CNTNAP2: variants seen among roughly 807,000 people sequenced by gnomAD.
CNTNAP2 encodes the protein contactin-associated protein-like 2.
A neutral mutation model predicts 155.2 loss-of-function variants in CNTNAP2; 98 were observed. The ratio of observed to expected loss-of-function variants is 0.63; its 90% CI spans 0.54 to 0.75. CNTNAP2 has a LOEUF of 0.75. Among genes scored for constraint, CNTNAP2 ranks in the 30% least tolerant of loss-of-function variants. CNTNAP2 has a pLI of 0.00. For missense variants in CNTNAP2, 1,727 were observed against 1,688.1 expected, an observed-to-expected ratio of 1.02 and a Z score of -0.40; for synonymous variants, 651 against 631.2, an observed-to-expected ratio of 1.03 and a Z score of -0.47.
At chr7:148,042,290 C>A (rs1802692994) in intron 15 of CNTNAP2, among the ~76,000 whole-genome samples, 1 of 152,232 alleles carries the variant, frequency 6.6e-6, no homozygotes, top group Non-Finnish European at 1.5e-5. Flanking sequence ...AACCCAAACT[C>A]TATACCATGA....
Position 147,260,489 on chromosome 7 carries a change from T to C in CNTNAP2, c.1349-39652T>C, listed in dbSNP as rs1248038111. On this transcript the variant is annotated intron_variant, in intron 8 of 23. Coordinates refer to ENST00000361727, the MANE Select transcript of CNTNAP2 (RefSeq NM_014141.6). Reference sequence around the variant, plus strand: ...GTTTGAAATTAATTCCAAGCATTCATTAGAGGACAGGAAAAGTCTGAAAAT... The same window carrying C: ...GTTTGAAATTAATTCCAAGCATTCACTAGAGGACAGGAAAAGTCTGAAAAT... Among the ~76,000 whole-genome samples the C allele has an allele frequency of 2.6e-5, 4 of 152,102 alleles. No individual in the cohort carries two copies. The East Asian group carries it at 5.8e-4, about 22-fold the overall frequency.
intron 8 of CNTNAP2, among the ~76,000 whole-genome samples, chr7:147,201,643 T>G (rs1802924666): frequency 6.6e-6 from 1 of 152,120 alleles, no homozygotes; most frequent in Non-Finnish European, 1.5e-5. Flanking sequence ...ACCAGCACTG[T>G]CACTGGGAAC....
intron 11 of CNTNAP2, among the ~76,000 whole-genome samples, chr7:147,559,864 TTAA>T (rs1562996722): frequency 9.0e-6 from 1 of 111,454 alleles, no homozygotes; most frequent in African/African-American, 3.4e-5. Context: ...CTTGCCGATC[TTAA>T]AAAAAAAAAA....
intron 15 of CNTNAP2, among the ~76,000 whole-genome samples, chr7:148,072,544 G>C (rs1803400381): frequency 6.6e-6 from 1 of 152,178 alleles, no homozygotes; most frequent in Non-Finnish European, 1.5e-5. Context: ...CTTTTAAAAA[G>C]ACAAAAGCCA....
chr7:147,377,986 T>C (rs554340920), intron 9 of CNTNAP2: 17 of 465,950 alleles, frequency 3.6e-5, no homozygotes, highest in African/African-American at 3.2e-4. Context: ...GTATTTTAAT[T>C]GATTCTCCAT....
chr7:146,146,987 GT>G (rs574354770), intron 1 of CNTNAP2, among the ~76,000 whole-genome samples: 179 of 152,142 alleles, frequency 1.2e-3, no homozygotes, highest in African/African-American at 4.2e-3. Flanking sequence ...AAGTACTTTA[GT>G]TTTTTTCCTA....
rs566704781 is a variant in CNTNAP2 at position 147,526,891 on chromosome 7, A to G, written c.1778-35247A>G. 6.6e-5 allele frequency among the ~76,000 whole-genome samples: 10 copies of G among 152,220 alleles called. No individual in the cohort carries two copies. In the East Asian group the frequency reaches 1.5e-3, roughly 24 times the overall value. Reference sequence around the variant, plus strand: ...AATTTGTACTTGTATTTGTTTCCTTAGACTATAAGCCACGGATTAAGTTTT... The same window carrying G: ...AATTTGTACTTGTATTTGTTTCCTTGGACTATAAGCCACGGATTAAGTTTT... On this transcript the variant is annotated intron_variant, in intron 11 of 23. Coordinates refer to ENST00000361727, the MANE Select transcript of CNTNAP2 (RefSeq NM_014141.6).
intron 1 of CNTNAP2, among the ~76,000 whole-genome samples, chr7:146,170,281 C>T (rs998441546): frequency 1.3e-5 from 2 of 152,144 alleles, no homozygotes; most frequent in African/African-American, 4.8e-5. Flanking sequence ...TTGCCTTAGC[C>T]TCTCAAAGTG....
intron 4 of CNTNAP2, among the ~76,000 whole-genome samples, chr7:147,075,238 T>C (rs980935069): frequency 2.0e-5 from 3 of 152,220 alleles, no homozygotes; most frequent in African/African-American, 7.2e-5. Context: ...ACAATATTGA[T>C]TGCACATCTA....
intron 9 of CNTNAP2, among the ~76,000 whole-genome samples, chr7:147,378,752 G>C (rs1441848630): frequency 6.6e-6 from 1 of 152,092 alleles, no homozygotes; most frequent in Non-Finnish European, 1.5e-5. Context: ...AACTGAAAGA[G>C]TCCAGTTAGA....
intron 13 of CNTNAP2, among the ~76,000 whole-genome samples, chr7:147,668,144 G>C (rs1482991594): frequency 6.6e-6 from 1 of 152,126 alleles, no homozygotes; most frequent in Admixed American, 6.5e-5. Flanking sequence ...TGAAGAAGAG[G>C]CAACAGAAAA....
At chr7:147,944,031 G>A (rs1254211504) in intron 14 of CNTNAP2, among the ~76,000 whole-genome samples, 1 of 152,032 alleles carries the variant, frequency 6.6e-6, no homozygotes, top group Non-Finnish European at 1.5e-5. Context: ...ATGCTTTTCT[G>A]AAATGATGCC....
intron 17 of CNTNAP2, among the ~76,000 whole-genome samples, chr7:148,166,281 A>G (rs961468631): frequency 2.0e-5 from 3 of 152,160 alleles, no homozygotes; most frequent in African/African-American, 7.2e-5. Context: ...TTGCTTCAAT[A>G]CTATGAAGCA....
intron 8 of CNTNAP2, among the ~76,000 whole-genome samples, chr7:147,216,882 T>C (rs1803280272): frequency 6.6e-6 from 1 of 152,070 alleles, no homozygotes. Context: ...GTTTACCTCA[T>C]ATTAATTTTG....
At chr7:146,676,732 C>A (rs994396977) in intron 1 of CNTNAP2, among the ~76,000 whole-genome samples, 1 of 152,002 alleles carries the variant, frequency 6.6e-6, no homozygotes, top group Non-Finnish European at 1.5e-5. Flanking sequence ...TGGTGGCAGG[C>A]AAGAGAGAAT....
At chr7:146,800,166 C>A (rs186870340) in intron 2 of CNTNAP2, among the ~76,000 whole-genome samples, 2 of 152,088 alleles carry the variant, frequency 1.3e-5, no homozygotes, top group Non-Finnish European at 2.9e-5. Context: ...ATGATAGCAG[C>A]AACACTAGCT....
rs185163241 is a variant in CNTNAP2, at chr7:146,470,679, C to G, written c.98-303592C>G. On this transcript the variant is annotated intron_variant, in intron 1 of 23. Transcript: ENST00000361727. ...CCGCCTCCTGGGATCAAGCAATGCT[C>G]CTGCCTCAGCCTCCCGAGTAGCTGG... Among the ~76,000 whole-genome samples, 287 of 152,186 alleles carry G rather than the reference C, an allele frequency of 1.9e-3. 1 individual carries two copies. Among genetic ancestry groups the G allele is most frequent in the African/African-American group, 6.1e-3 (254 of 41,536 alleles).
At chr7:147,978,659 A>G (rs564011147) in intron 15 of CNTNAP2, among the ~76,000 whole-genome samples, 1 of 152,198 alleles carries the variant, frequency 6.6e-6, no homozygotes, top group Non-Finnish European at 1.5e-5. Context: ...GGTGTGCTTT[A>G]TGTGCAGTCA....
At chr7:146,727,830 T>C (rs1271439870) in intron 1 of CNTNAP2, among the ~76,000 whole-genome samples, 2 of 152,210 alleles carry the variant, frequency 1.3e-5, no homozygotes, top group African/African-American at 2.4e-5. Flanking sequence ...AAAATGCTCA[T>C]TGTAAACATT....
Sources: allele counts gnomAD v4.1 joint callset (sites outside exome capture counted in the v4.1 genomes callset), GRCh38; gene constraint gnomAD v4.1.1; transcripts MANE v1.5; gene names NCBI Gene and HGNC (gene_info 2026-07-23, HGNC 2026-07-21).